Variants in EFCAB11 observed in about 807,000 individuals in gnomAD.
EFCAB11 encodes EF-hand calcium-binding domain-containing protein 11.
A neutral mutation model predicts 23.0 loss-of-function variants in EFCAB11; 14 were observed. That is an observed-to-expected ratio of 0.61 (90% CI 0.40 to 0.95). EFCAB11 has a LOEUF of 0.95. EFCAB11 is among the 40% of genes least tolerant of loss of function. The pLI is 0.00. For synonymous variants in EFCAB11, 65 were observed against 66.6 expected (o/e 0.98, Z 0.11); for missense variants, 198 against 195.8 (o/e 1.01, Z -0.07).
At chr14:89,921,644 G>GGA (rs1890025103) in intron 5 of EFCAB11, among the ~76,000 whole-genome samples, 1 of 152,170 alleles carries the variant, frequency 6.6e-6, no homozygotes, top group Admixed American at 6.5e-5. Context: ...GTAGCCTGAT[G>GGA]GAGGAGAACG....
intron 5 of EFCAB11, among the ~76,000 whole-genome samples, chr14:89,913,213 A>G (rs147447273): frequency 6.6e-6 from 1 of 152,348 alleles, no homozygotes; most frequent in Non-Finnish European, 1.5e-5. Context: ...AGATGGAAGT[A>G]GGAGCACCTT....
chr14:89,803,541 T>C (rs1265672516), intron 5 of EFCAB11, among the ~76,000 whole-genome samples: 8 of 152,152 alleles, frequency 5.3e-5, no homozygotes, highest in Admixed American at 5.2e-4. Flanking sequence ...GAGGCCAAGA[T>C]TTAAGTGAGA....
At chr14:89,933,676 GGAAAAGAGAATA>G (rs769005481) in intron 3 of EFCAB11, among the ~76,000 whole-genome samples, 3 of 152,310 alleles carry the variant, frequency 2.0e-5, no homozygotes, top group Middle Eastern at 3.4e-3. Flanking sequence ...GAAATAGAGG[GGAAAAGAGAATA>G]CACATGATTC....
intron 5 of EFCAB11, among the ~76,000 whole-genome samples, chr14:89,850,284 G>C (rs749567249): frequency 6.6e-6 from 1 of 152,190 alleles, no homozygotes; most frequent in Non-Finnish European, 1.5e-5. Flanking sequence ...ACACCATGGA[G>C]TATTAATATT....
In EFCAB11 at chr14:89,944,958, AT is replaced by A. The variant is rs1197564100; in HGVS notation, c.217+5138del. The stretch of plus-strand genomic sequence containing the variant: ...AATAATAAATCTAATAAAATATTAG[AT>A]TTTATTAGATCTAATAATAAATCTA... On this transcript the variant is annotated intron_variant, in intron 3 of 5. Coordinates refer to ENST00000316738, the MANE Select transcript of EFCAB11 (RefSeq NM_145231.4). Among the ~76,000 whole-genome samples, 128 of 101,802 alleles carry A rather than the reference AT, an allele frequency of 1.3e-3. 2 individuals carry two copies. Among genetic ancestry groups the A allele is most frequent in the African/African-American group, 4.9e-3 (122 of 24,720 alleles). The allele number at this position is 101,802 out of a possible 152,430, so 66.8% of individuals were successfully genotyped here.
intron 2 of EFCAB11, among the ~76,000 whole-genome samples, chr14:89,952,984 A>C (rs546891057): frequency 2.0e-4 from 30 of 152,206 alleles, no homozygotes; most frequent in South Asian, 4.1e-4. Context: ...GCATAAAGAC[A>C]GGGGTGAGCA....
intron 5 of EFCAB11, chr14:89,836,759 C>T (rs1429068591): frequency 2.3e-6 from 1 of 428,470 alleles, no homozygotes; most frequent in Non-Finnish European, 4.7e-6. Flanking sequence ...TGGCTTACAC[C>T]TGTAATCCCA....
intron 2 of EFCAB11, among the ~76,000 whole-genome samples, chr14:89,952,813 T>C (rs779482326): frequency 6.6e-6 from 1 of 152,172 alleles, no homozygotes; most frequent in African/African-American, 2.4e-5. Flanking sequence ...TCTGGTCTAA[T>C]GAGAGTGAGG....
chr14:89,906,144 G>A (rs1304976117), intron 5 of EFCAB11, among the ~76,000 whole-genome samples: 1 of 151,028 alleles, frequency 6.6e-6, no homozygotes, highest in Non-Finnish European at 1.5e-5. Flanking sequence ...ATGAAATACT[G>A]ACAATGCCTG....
intron 3 of EFCAB11, among the ~76,000 whole-genome samples, chr14:89,948,349 T>C (rs1269536809): frequency 6.6e-6 from 1 of 152,090 alleles, no homozygotes; most frequent in Non-Finnish European, 1.5e-5. Flanking sequence ...CTGGCAAGGA[T>C]ATGGAGAAAA....
At chr14:89,952,937 G>A (rs1377906801) in intron 2 of EFCAB11, among the ~76,000 whole-genome samples, 2 of 152,120 alleles carry the variant, frequency 1.3e-5, no homozygotes, top group East Asian at 3.9e-4. Flanking sequence ...CAAGAAGGGT[G>A]TTGTCTCTCG....
intron 5 of EFCAB11, among the ~76,000 whole-genome samples, chr14:89,898,862 C>T (rs748400857): frequency 7.3e-5 from 11 of 151,402 alleles, no homozygotes; most frequent in African/African-American, 2.4e-4. Context: ...TCTGTAGTGA[C>T]GGGGTCCTGC....
At chr14:89,925,269 G>C (rs973294121) in intron 5 of EFCAB11, among the ~76,000 whole-genome samples, 2 of 152,176 alleles carry the variant, frequency 1.3e-5, no homozygotes, top group East Asian at 3.8e-4. Flanking sequence ...GTTTGAAAAG[G>C]GGACCAGATG....
At chr14:89,808,899 C>T (rs1338865551) in intron 5 of EFCAB11, among the ~76,000 whole-genome samples, 5 of 152,084 alleles carry the variant, frequency 3.3e-5, no homozygotes, top group African/African-American at 1.2e-4. Context: ...ATGGGCAAAT[C>T]AATCAAATCC....
At chr14:89,828,711 C>T (rs1336541823) in intron 5 of EFCAB11, among the ~76,000 whole-genome samples, 1 of 152,114 alleles carries the variant, frequency 6.6e-6, no homozygotes, top group Non-Finnish European at 1.5e-5. Flanking sequence ...GATTAAATAG[C>T]TTATGAAGCA....
chr14:89,896,154 G>A (rs994112122), intron 5 of EFCAB11, among the ~76,000 whole-genome samples: 6 of 152,234 alleles, frequency 3.9e-5, no homozygotes, highest in African/African-American at 1.2e-4. Flanking sequence ...CGGAGGCCGA[G>A]GCGGGCGGAC....
intron 5 of EFCAB11, among the ~76,000 whole-genome samples, chr14:89,813,520 GTTTT>G (rs1317129838): frequency 6.6e-6 from 1 of 151,942 alleles, no homozygotes; most frequent in African/African-American, 2.4e-5. Context: ...TGTTTGGTTT[GTTTT>G]TTTGTTTTGT....
At chr14:89,903,013 C>A (rs61576554) in intron 5 of EFCAB11, among the ~76,000 whole-genome samples, 5,178 of 152,178 alleles carry the variant, frequency 0.034, 211 homozygotes, top group East Asian at 0.19. Flanking sequence ...CTTCTCTCAG[C>A]CAGAAAAAGG....
At chr14:89,802,205 CT>C (rs1885807371) in intron 5 of EFCAB11, among the ~76,000 whole-genome samples, 1 of 30,216 alleles carries the variant, frequency 3.3e-5, no homozygotes, top group Non-Finnish European at 6.3e-5. Flanking sequence ...ACCCAAGTTA[CT>C]TAAAAAAAAA....
Sources: allele counts gnomAD v4.1 joint callset (sites outside exome capture counted in the v4.1 genomes callset), GRCh38; gene constraint gnomAD v4.1.1; transcripts MANE v1.5; gene names NCBI Gene and HGNC (gene_info 2026-07-23, HGNC 2026-07-21).